The following CC2D2A variants were observed in gnomAD, a reference collection of about 807,000 sequenced individuals.
The protein encoded by CC2D2A is coiled-coil and C2 domain-containing protein 2A.
A neutral mutation model predicts 212.9 loss-of-function variants in CC2D2A; 155 were observed. The ratio of observed to expected loss-of-function variants is 0.73; its 90% confidence interval spans 0.64 to 0.83. The LOEUF is 0.83. Among genes scored for constraint, CC2D2A ranks in the 40% least tolerant of loss-of-function variants. The pLI, the probability that CC2D2A is intolerant of heterozygous loss-of-function variation, is 0.00. For synonymous variants in CC2D2A, 667 were observed against 686.5 expected (o/e 0.97, Z 0.44); for missense variants, 1,856 against 1,956.2 (o/e 0.95, Z 0.97).
intron 2 of CC2D2A, among the ~76,000 whole-genome samples, chr4:15,476,621 T>G (rs963538443): frequency 6.6e-6 from 1 of 152,236 alleles, no homozygotes; most frequent in African/African-American, 2.4e-5. Context: ...TTCTATGAAC[T>G]CTGACACACA....
intron 4 of CC2D2A, among the ~76,000 whole-genome samples, 187 bp from the exon 5 acceptor site, chr4:15,502,242 G>C (rs955744145): frequency 9.2e-5 from 14 of 152,186 alleles, no homozygotes; most frequent in African/African-American, 3.1e-4. Context: ...CAAAAGGATG[G>C]TTGTTAGCAT....
At chr4:15,518,433 G>T (rs887573213) in intron 11 of CC2D2A, among the ~76,000 whole-genome samples, 1 of 152,204 alleles carries the variant, frequency 6.6e-6, no homozygotes, top group Non-Finnish European at 1.5e-5. Context: ...CTGGTGTTGA[G>T]TGTCTGCAGC....
rs1714155935 is a variant in CC2D2A, at chr4:15,475,613, G to C, written c.-18-302G>C. 2.0e-5 allele frequency among the ~76,000 whole-genome samples: 3 copies of C among 152,132 alleles called. No individual in the cohort carries two copies. The South Asian group carries it at 6.2e-4, about 32-fold the overall frequency. On this transcript the variant is annotated intron_variant, in intron 1 of 36. Coordinates refer to ENST00000424120, the MANE Select transcript of CC2D2A (RefSeq NM_001378615.1). ...CAAGGTCAAGGGCAGAGAGTGCAGA[G>C]GGGCAGTAGCGGAGATGAGCTGTAA...
chr4:15,580,135 C>G lies in CC2D2A; in HGVS notation c.3939C>G (p.Leu1313=). ...AACCTTTAAACCCTCCTCAGGAGCTCCTTAATGTCTACCCCAATAATCTAC... is the reference window on the plus strand; with the variant it reads ...AACCTTTAAACCCTCCTCAGGAGCTGCTTAATGTCTACCCCAATAATCTAC... The part of the protein sequence containing the change: ...YLKPLNPPQE[L]LNVYPNNLQA... Residue 1313 remains leucine (L), a synonymous_variant, in exon 30 of 37, where the codon CTC becomes CTG. Transcript: ENST00000424120. 6.2e-7 allele frequency: 1 copy of G among 1,613,870 alleles called. No individual in the cohort carries two copies. The highest frequency in any genetic ancestry group is 2.2e-5 in the East Asian group (1 of 44,856).
chr4:15,480,673 A>G (rs1240619799), intron 3 of CC2D2A, 31 bp from the exon 4 acceptor site: 104 of 1,596,886 alleles, frequency 6.5e-5, no homozygotes, highest in Non-Finnish European at 8.4e-5. Context: ...AAGTCCTGGG[A>G]GTCTCTGAAC....
At chr4:15,578,494 T>C (rs1449268675) in intron 29 of CC2D2A, among the ~76,000 whole-genome samples, 1 of 152,220 alleles carries the variant, frequency 6.6e-6, no homozygotes, top group Non-Finnish European at 1.5e-5. Flanking sequence ...ATGTGCCAAG[T>C]AGTATTCTCC....
At chr4:15,540,403 A>G (rs1017653550) in intron 16 of CC2D2A, among the ~76,000 whole-genome samples, 2 of 152,168 alleles carry the variant, frequency 1.3e-5, no homozygotes, top group African/African-American at 2.4e-5. Flanking sequence ...AAAACTTGGT[A>G]TCTTGGAAAA....
intron 4 of CC2D2A, among the ~76,000 whole-genome samples, chr4:15,494,602 A>G (rs1715505263): frequency 6.6e-6 from 1 of 152,048 alleles, no homozygotes; most frequent in Non-Finnish European, 1.5e-5. Context: ...TCAATGACCT[A>G]TTTTCTTAAA....
chr4:15,572,715 TAGG>T (rs1014735016), intron 28 of CC2D2A, among the ~76,000 whole-genome samples: 3 of 151,922 alleles, frequency 2.0e-5, no homozygotes, highest in African/African-American at 7.3e-5. Flanking sequence ...GGAAGTTTAT[TAGG>T]AGAAGTGACC....
rs1174030292 is a variant in CC2D2A at position 15,587,796 on chromosome 4, T to C, written c.4066-20T>C. ...TAAAGCATTGAGTCATACAACATAA[T>C]TTTTTTTTCTTTTTGTCAGCAATTT... On this transcript the variant is annotated intron_variant, in intron 31 of 36. Transcript: ENST00000424120. 2.3e-6 allele frequency: 3 copies of C among 1,305,890 alleles called. No individual in the cohort carries two copies. Among genetic ancestry groups the C allele is most frequent in the Non-Finnish European group, 3.3e-6 (3 of 905,524 alleles). 80.9% of individuals were successfully genotyped at this position (1,305,890 alleles called of 1,614,324 possible).
At chr4:15,497,704 T>C (rs1413305185) in intron 4 of CC2D2A, among the ~76,000 whole-genome samples, 3 of 152,216 alleles carry the variant, frequency 2.0e-5, no homozygotes, top group Admixed American at 6.5e-5. Context: ...CCTATAGGGG[T>C]GAAGTGGTAC....
chr4:15,533,195 A>G lies in CC2D2A; in HGVS notation c.1469A>G (p.Gln490Arg), dbSNP rs1360208683. The change falls in exon 14 of 37, where the codon CAA becomes CGA. Residue 490 changes from glutamine to arginine, a missense_variant and splice_region_variant. Physicochemically the swap from Gln to Arg is conservative, Grantham distance 43. Around this residue, in one of 5 missense-constraint regions of CC2D2A, gnomAD observed 1,512 missense variants for 1,579.3 expected, o/e 0.96. Transcript: ENST00000424120. Reference sequence around the variant, plus strand: ...TCATGTGTTATTATATCTTGCAGACAAACAAGAAAATTCCGTGATGCTGAA... The same window carrying G: ...TCATGTGTTATTATATCTTGCAGACGAACAAGAAAATTCCGTGATGCTGAA... ...TINEYKSEIR[Q>R]TRKFRDAEQE... The G allele has an allele frequency of 6.3e-7, 1 of 1,578,822 alleles. No homozygotes were observed. The highest frequency in any genetic ancestry group is 2.3e-5 in the East Asian group (1 of 43,886).
chr4:15,505,243 CTT>C (rs1716191594), intron 6 of CC2D2A, among the ~76,000 whole-genome samples: 1 of 152,204 alleles, frequency 6.6e-6, no homozygotes, highest in South Asian at 2.1e-4. Flanking sequence ...TGCTTAATCT[CTT>C]TTGTATTTCC....
intron 30 of CC2D2A, among the ~76,000 whole-genome samples, chr4:15,585,129 A>G (rs1720808760): frequency 6.6e-6 from 1 of 152,220 alleles, no homozygotes; most frequent in South Asian, 2.1e-4. Flanking sequence ...GTGATCTGGC[A>G]ATCCCATTAC....
intron 11 of CC2D2A, among the ~76,000 whole-genome samples, chr4:15,523,026 A>G (rs1342355317): frequency 6.6e-6 from 1 of 151,432 alleles, no homozygotes; most frequent in Admixed American, 6.6e-5. Context: ...GAGGCAGGAG[A>G]TTGCTTGAAC....
Position 15,553,165 on chromosome 4 carries a change from C to T in CC2D2A, c.2346C>T (p.Pro782=). 1 of 1,600,554 alleles carries T rather than the reference C, an allele frequency of 6.2e-7. No homozygotes were observed. Among genetic ancestry groups the T allele is most frequent in the Non-Finnish European group, 8.5e-7 (1 of 1,175,034 alleles). ...AATCTGGTGTTTCCCCAGGAGTGCCCTTCTCATTTGAAGCTGATGGCAGTA... is the reference window on the plus strand; with the variant it reads ...AATCTGGTGTTTCCCCAGGAGTGCCTTTCTCATTTGAAGCTGATGGCAGTA... ...LDHEGVGSGV[P]FSFEADGSNQ... is the part of the protein sequence containing the mutation. The change falls in exon 19 of 37, where the codon CCC becomes CCT. Residue 782 remains proline (P), a synonymous_variant. Transcript: ENST00000424120.
At chr4:15,486,057 G>A (rs1302924094) in intron 4 of CC2D2A, among the ~76,000 whole-genome samples, 1 of 152,094 alleles carries the variant, frequency 6.6e-6, no homozygotes, top group Non-Finnish European at 1.5e-5. Context: ...ATTGAATACA[G>A]TTGGCTAGTA....
Position 15,559,984 on chromosome 4 carries a change from AC to A in CC2D2A, c.2923-545del, listed in dbSNP as rs565440255. ...ATAGCCAGGACTACAGGTACACACC[AC>A]CATGCCTGGCTAATTTTTATATTTT... On this transcript the variant is annotated intron_variant, in intron 22 of 36. Transcript: ENST00000424120. Among the ~76,000 whole-genome samples the A allele has an allele frequency of 1.9e-4, 29 of 152,112 alleles. 1 individual carries two copies. In the East Asian group the frequency reaches 4.8e-3, roughly 25 times the overall value.
At chr4:15,488,890 T>C (rs1183239813) in intron 4 of CC2D2A, among the ~76,000 whole-genome samples, 1 of 152,242 alleles carries the variant, frequency 6.6e-6, no homozygotes, top group Non-Finnish European at 1.5e-5. Context: ...TAATCTGCTC[T>C]TCAAACATAT....
Sources: allele counts gnomAD v4.1 joint callset (sites outside exome capture counted in the v4.1 genomes callset), GRCh38; gene constraint gnomAD v4.1.1; regional missense constraint gnomAD v4.1.1; transcripts MANE v1.5; gene names NCBI Gene and HGNC (gene_info 2026-07-23, HGNC 2026-07-21).